ZNF536: variants seen among roughly 807,000 people sequenced by gnomAD.
ZNF536 encodes zinc finger protein 536.
Under a neutral mutation model 84.5 loss-of-function variants are expected in ZNF536, and 13 were observed. The observed-to-expected ratio is 0.15, with a 90% CI of 0.10 to 0.24. The LOEUF is 0.24. Among genes scored for constraint, ZNF536 ranks in the 10% least tolerant of loss-of-function variants. The pLI, the probability that ZNF536 is intolerant of heterozygous loss-of-function variation, is 1.00. For missense variants in ZNF536, 1,536 were observed against 1,747.5 expected (o/e 0.88, Z 2.16); for synonymous variants, 811 against 742.5 (o/e 1.09, Z -1.50).
intron 4 of ZNF536, among the ~76,000 whole-genome samples, chr19:30,550,400 C>G (rs2045727983): frequency 6.6e-6 from 1 of 152,212 alleles, no homozygotes; most frequent in African/African-American, 2.4e-5. Context: ...ACCCTGATAT[C>G]TGTATTTGGA....
At chr19:30,559,175 GA>G (rs1358057741), downstream of ZNF536, among the ~76,000 whole-genome samples, 1 of 152,236 alleles carries the variant, frequency 6.6e-6, no homozygotes, top group Non-Finnish European at 1.5e-5. Flanking sequence ...CGATTGTGAA[GA>G]AGGTTGTCAG....
chr19:30,432,237 G>T (rs537042788), intron 1 of ZNF536, among the ~76,000 whole-genome samples: 1 of 152,228 alleles, frequency 6.6e-6, no homozygotes, highest in South Asian at 2.1e-4. Flanking sequence ...TTCCCAAACT[G>T]CAGTCCGTGG....
intron 1 of ZNF536, among the ~76,000 whole-genome samples, chr19:30,702,785 C>T (rs2148011710): frequency 6.6e-6 from 1 of 152,260 alleles, no homozygotes; most frequent in East Asian, 1.9e-4. Flanking sequence ...CTCCTGGCAA[C>T]CTGTTTCATT....
At chr19:30,547,625 G>T (rs927205477) in intron 3 of ZNF536, among the ~76,000 whole-genome samples, 2 of 152,068 alleles carry the variant, frequency 1.3e-5, no homozygotes, top group Non-Finnish European at 2.9e-5. Flanking sequence ...TACTTTTAAT[G>T]ATCACTGTGG....
intron 1 of ZNF536, among the ~76,000 whole-genome samples, chr19:30,608,120 T>A (rs995929295): frequency 1.3e-5 from 2 of 152,224 alleles, no homozygotes; most frequent in Non-Finnish European, 2.9e-5. Context: ...GAAGAGAAAT[T>A]GCAATTGATT....
At chr19:30,652,909 G>A (rs1317503514) in intron 1 of ZNF536, among the ~76,000 whole-genome samples, 2 of 152,174 alleles carry the variant, frequency 1.3e-5, no homozygotes, top group African/African-American at 4.8e-5. Flanking sequence ...CTTACTCCCC[G>A]TGTGGGCAGT....
chr19:30,384,055 C>CT (rs2049191792), intron 1 of ZNF536, among the ~76,000 whole-genome samples: 1 of 143,210 alleles, frequency 7.0e-6, no homozygotes, highest in African/African-American at 2.6e-5. Context: ...CTGCTACTCA[C>CT]TTACTCCTCC....
chr19:30,319,928 A>G (rs565040738), intron 2 of ZNF536, among the ~76,000 whole-genome samples: 3 of 152,258 alleles, frequency 2.0e-5, no homozygotes, highest in East Asian at 1.9e-4. Context: ...TGTTTTGGGG[A>G]AAAAAATGGA....
intron 1 of ZNF536, among the ~76,000 whole-genome samples, chr19:30,399,014 C>T (rs971022821): frequency 2.0e-5 from 3 of 152,226 alleles, no homozygotes; most frequent in African/African-American, 7.2e-5. Context: ...AATGATTGAA[C>T]TAATTTACAC....
At chr19:30,615,407 A>G (rs1226442435) in intron 1 of ZNF536, among the ~76,000 whole-genome samples, 3 of 152,156 alleles carry the variant, frequency 2.0e-5, no homozygotes, top group Non-Finnish European at 4.4e-5. Flanking sequence ...CACTCATTTA[A>G]AAGCCACCTT....
intron 1 of ZNF536, among the ~76,000 whole-genome samples, chr19:30,231,933 A>G (rs1432013996): frequency 2.0e-5 from 3 of 152,122 alleles, no homozygotes; most frequent in Non-Finnish European, 4.4e-5. Context: ...GTGAGTTTGT[A>G]ATGTACATGT....
At chr19:30,447,181 GT>G (rs2052391135) in intron 2 of ZNF536, among the ~76,000 whole-genome samples, 1 of 152,140 alleles carries the variant, frequency 6.6e-6, no homozygotes, top group South Asian at 2.1e-4. Context: ...TTTTTTAAAA[GT>G]TTTTTCTTCT....
At chr19:30,620,310 C>T (rs1318464854) in intron 1 of ZNF536, among the ~76,000 whole-genome samples, 1 of 151,784 alleles carries the variant, frequency 6.6e-6, no homozygotes, top group Non-Finnish European at 1.5e-5. Flanking sequence ...TCATGTGAAA[C>T]ATCATTACTG....
At chr19:30,378,179 T>A (rs889944682) in intron 1 of ZNF536, among the ~76,000 whole-genome samples, 2 of 152,154 alleles carry the variant, frequency 1.3e-5, no homozygotes, top group African/African-American at 4.8e-5. Flanking sequence ...TATGTTTTTT[T>A]AAAGACAAAT....
chr19:30,391,305 A>G (rs754774716), intron 1 of ZNF536, among the ~76,000 whole-genome samples: 3 of 152,216 alleles, frequency 2.0e-5, no homozygotes, highest in Admixed American at 2.0e-4. Flanking sequence ...GGCTGGCTGC[A>G]GTGGTGCACA....
At chr19:30,372,750 A>G (rs565479628) in intron 1 of ZNF536, among the ~76,000 whole-genome samples, 194 bp downstream of exon 1, 5 of 152,072 alleles carry the variant, frequency 3.3e-5, no homozygotes, top group Non-Finnish European at 5.9e-5. Flanking sequence ...AGCCCTTTAA[A>G]TTTATTATAA....
intron 2 of ZNF536, among the ~76,000 whole-genome samples, chr19:30,313,685 C>A (rs1445768941): frequency 1.3e-5 from 2 of 152,204 alleles, no homozygotes; most frequent in East Asian, 1.9e-4. Flanking sequence ...ACACTGCCCA[C>A]CCCGACTGTG....
At chr19:30,404,165 G>T (rs776019465) in intron 1 of ZNF536, among the ~76,000 whole-genome samples, 1 of 152,114 alleles carries the variant, frequency 6.6e-6, no homozygotes, top group African/African-American at 2.4e-5. Flanking sequence ...CGTTGCCCAC[G>T]CAGGGCCTGC....
intron 1 of ZNF536, among the ~76,000 whole-genome samples, chr19:30,433,445 C>T (rs1162165134): frequency 6.6e-6 from 1 of 152,212 alleles, no homozygotes; most frequent in Non-Finnish European, 1.5e-5. Context: ...AGATGCCAGT[C>T]CCACTATATA....
Sources: allele counts gnomAD v4.1 joint callset (sites outside exome capture counted in the v4.1 genomes callset), GRCh38; gene constraint gnomAD v4.1.1; transcripts MANE v1.5; gene names NCBI Gene and HGNC (gene_info 2026-07-23, HGNC 2026-07-21).